CAST: variants seen among roughly 807,000 people sequenced by gnomAD.
CAST encodes the protein calpastatin.
CAST carries 76 observed loss-of-function variants against 119.6 expected under a neutral mutation model. That is an observed-to-expected ratio of 0.64 (90% CI 0.53 to 0.77). The LOEUF is 0.77. Among genes scored for constraint, CAST ranks in the 30% least tolerant of loss-of-function variants. The pLI is 0.00. For synonymous variants in CAST, 319 were observed against 331.6 expected (o/e 0.96, Z 0.41); for missense variants, 953 against 946.5 (o/e 1.01, Z -0.09).
intron 2 of CAST, chr5:96,675,831 A>T: frequency 2.4e-6 from 1 of 417,142 alleles, no homozygotes; most frequent in Non-Finnish European, 4.2e-6. Context: ...TAGTAATAGA[A>T]CTTTGTTGCT....
At chr5:96,215,228 A>T in the CAST span, 2 of 152,216 alleles carry the variant, frequency 1.3e-5, no homozygotes, top group Non-Finnish European at 2.9e-5. Flanking sequence ...TTACAGCCTT[A>T]AAAATTATTG....
At chr5:96,287,122 A>G in the CAST span, among the ~76,000 whole-genome samples, 2 of 152,000 alleles carry the variant, frequency 1.3e-5, no homozygotes, top group Non-Finnish European at 2.9e-5. Flanking sequence ...CTGGTTCTCA[A>G]CAATTGTGTG....
At chr5:96,413,056 C>A in the CAST span, 2 of 589,074 alleles carry the variant, frequency 3.4e-6, no homozygotes. Flanking sequence ...GATCTAGTCA[C>A]AACAGGAAAC....
At chr5:96,006,742 G>A in the CAST span, among the ~76,000 whole-genome samples, 1 of 152,170 alleles carries the variant, frequency 6.6e-6, no homozygotes, top group African/African-American at 2.4e-5. Flanking sequence ...GCAAAACCAC[G>A]GCGAATGTAC....
chr5:95,961,708 C>G, the CAST span: 1 of 1,605,484 alleles, frequency 6.2e-7, no homozygotes, highest in Non-Finnish European at 8.5e-7. Flanking sequence ...GCCCCCTGTC[C>G]CCCCCGCCGC....
At chr5:96,370,423 A>C in the CAST span, among the ~76,000 whole-genome samples, 9 of 152,152 alleles carry the variant, frequency 5.9e-5, no homozygotes, top group African/African-American at 2.2e-4. Context: ...TTGAAACTTT[A>C]AGCGTCCCAA....
At chr5:96,729,505 T>C in intron 7 of CAST, 107 bp from the exon 8 acceptor site, 7 of 655,330 alleles carry the variant, frequency 1.1e-5, no homozygotes, top group South Asian at 3.6e-5. Context: ...ACAACTGTTA[T>C]GAACAATTTT....
intron 1 of CAST, among the ~76,000 whole-genome samples, chr5:96,627,864 C>A (rs1425007243): frequency 1.3e-5 from 2 of 152,220 alleles, no homozygotes; most frequent in African/African-American, 4.8e-5. Context: ...AAAGTAAACC[C>A]TCCAGGTGAA....
the CAST span, among the ~76,000 whole-genome samples, chr5:96,332,126 G>T: frequency 1.3e-5 from 2 of 152,134 alleles, no homozygotes; most frequent in Non-Finnish European, 2.9e-5. Flanking sequence ...TGCCCATCTG[G>T]AAAGTTTATA....
the CAST span, chr5:96,412,488 T>C: frequency 1.9e-6 from 3 of 1,613,820 alleles, no homozygotes; most frequent in Admixed American, 1.7e-5. Context: ...AGCATTCTTA[T>C]GCCTGAGAAA....
chr5:96,567,263 G>A (rs532162567), intron 1 of CAST, among the ~76,000 whole-genome samples: 1 of 152,172 alleles, frequency 6.6e-6, no homozygotes, highest in Non-Finnish European at 1.5e-5. Flanking sequence ...TAGTTAAGAA[G>A]AGATGATGGT....
intron 3 of CAST, among the ~76,000 whole-genome samples, chr5:96,698,003 A>G (rs1753493880): frequency 6.6e-6 from 1 of 152,218 alleles, no homozygotes; most frequent in Non-Finnish European, 1.5e-5. Context: ...ACTTGTATTT[A>G]GCATACACTT....
At chr5:96,625,935 G>A (rs1026895032) in intron 1 of CAST, among the ~76,000 whole-genome samples, 1 of 152,154 alleles carries the variant, frequency 6.6e-6, no homozygotes, top group African/African-American at 2.4e-5. Context: ...CAACCCAGCT[G>A]AGACGTCCAG....
the CAST span, among the ~76,000 whole-genome samples, chr5:96,458,202 AAGTT>A: frequency 1.3e-5 from 2 of 152,234 alleles, no homozygotes; most frequent in Non-Finnish European, 2.9e-5. Flanking sequence ...AAGACAGAAA[AAGTT>A]AGAAAATTCA....
the CAST span, chr5:96,397,303 CT>C: frequency 1.9e-5 from 31 of 1,599,268 alleles, no homozygotes; most frequent in Non-Finnish European, 2.5e-5. Context: ...TAAAAGTAAG[CT>C]TGTGTTTTTT....
the CAST span, among the ~76,000 whole-genome samples, chr5:96,325,318 A>C: frequency 0.02 from 3,066 of 152,196 alleles, 33 homozygotes; most frequent in Non-Finnish European, 0.028. Flanking sequence ...CAGGCATATA[A>C]ATAAATTTGG....
intron 7 of CAST, 51 bp downstream of exon 7, chr5:96,729,260 A>T: frequency 1.0e-6 from 1 of 986,732 alleles, no homozygotes; most frequent in Non-Finnish European, 1.6e-6. Context: ...TTTTGGTGGG[A>T]TATAATTAAA....
chr5:96,188,993 G>A, the CAST span, among the ~76,000 whole-genome samples: 1 of 152,018 alleles, frequency 6.6e-6, no homozygotes, highest in East Asian at 1.9e-4. Flanking sequence ...AAGAAACATA[G>A]CTTCTTCACT....
the CAST span, among the ~76,000 whole-genome samples, chr5:96,143,513 G>A: frequency 1.3e-5 from 2 of 152,218 alleles, no homozygotes; most frequent in African/African-American, 4.8e-5. Flanking sequence ...TCATTTTCAT[G>A]TGGGCCGATT....
Sources: gnomAD v4.1 joint callset for allele counts (sites outside exome capture counted in the v4.1 genomes callset) on GRCh38, gnomAD v4.1.1 for gene constraint, MANE v1.5 for transcripts, NCBI Gene and HGNC (gene_info 2026-07-23, HGNC 2026-07-21) for gene names.